ADAM9: variants seen among roughly 807,000 people sequenced by gnomAD.
The protein encoded by ADAM9 is ADAM metallopeptidase domain 9, also known as disintegrin and metalloproteinase domain-containing protein 9.
A neutral mutation model predicts 108.1 loss-of-function variants in ADAM9; 54 were observed. The observed-to-expected ratio is 0.50, with a 90% CI of 0.40 to 0.63. The LOEUF is 0.63. Among genes scored for constraint, ADAM9 ranks in the 20% least tolerant of loss-of-function variants. ADAM9 has a pLI of 0.00. For synonymous variants in ADAM9, 316 were observed against 336.0 expected (o/e 0.94, Z 0.65); for missense variants, 830 against 997.7 (o/e 0.83, Z 2.26).
chr8:39,058,092 ATTC>A lies in ADAM9; in HGVS notation c.1591+2329_1591+2331del, dbSNP rs1397320977. ...CAGAAAAGGAGGTAAAGTGATGTTTATTCTTCTTCTTGATATCCCATAACTTAA... is the reference window on the plus strand; with the variant it reads ...CAGAAAAGGAGGTAAAGTGATGTTTATTCTTCTTGATATCCCATAACTTAA... On this transcript the variant is annotated intron_variant, in intron 14 of 21. Transcript: ENST00000487273. 8.5e-5 allele frequency among the ~76,000 whole-genome samples: 13 copies of A among 152,310 alleles called. No individual in the cohort carries two copies. The East Asian group carries it at 2.3e-3, about 27-fold the overall frequency.
chr8:39,088,969 G>T (rs1839262107), intron 18 of ADAM9, among the ~76,000 whole-genome samples: 4 of 152,170 alleles, frequency 2.6e-5, no homozygotes. Flanking sequence ...AAAAAGTGAG[G>T]CCAGGCACGG....
At chr8:39,093,511 T>TAA (rs986429459) in intron 20 of ADAM9, among the ~76,000 whole-genome samples, 28 of 152,222 alleles carry the variant, frequency 1.8e-4, no homozygotes, top group Admixed American at 6.5e-5. Flanking sequence ...GTTTTCTATA[T>TAA]AAAAGACCAT....
At chr8:39,097,629 T>C (rs1220101646) in intron 20 of ADAM9, among the ~76,000 whole-genome samples, 9 of 152,150 alleles carry the variant, frequency 5.9e-5, no homozygotes. Context: ...TTAAGTCTTT[T>C]TTTTAAAAAA....
At position 39,009,755 on chromosome 8, in the gene ADAM9, G is replaced by A. The variant is rs139149985; in HGVS notation, c.195+1772G>A. On this transcript the variant is annotated intron_variant, in intron 2 of 21. Transcript: ENST00000487273. Reference sequence around the variant, plus strand: ...ATTCAACAGTGAATGTAATTAACTCGTTAAAAAGTATTTATTGAGTTACTA... The same window carrying A: ...ATTCAACAGTGAATGTAATTAACTCATTAAAAAGTATTTATTGAGTTACTA... Among the ~76,000 whole-genome samples the A allele has an allele frequency of 2.2e-3, 330 of 152,218 alleles. 2 individuals are homozygous for A. Among genetic ancestry groups the A allele is most frequent in the African/African-American group, 7.4e-3 (308 of 41,526 alleles).
At position 39,016,216 on chromosome 8, in the gene ADAM9, C is replaced by CT. The variant is rs557600780; in HGVS notation, c.410+31dup. ...TCAGGTAAGCAATTTCCTTTATCTT[C>CT]TTTTTTTTTGTTTCCCCTATGTCTT... is the stretch of plus-strand genomic sequence containing the variant. On this transcript the variant is annotated intron_variant, in intron 5 of 21. Coordinates refer to ENST00000487273, the MANE Select transcript of ADAM9 (RefSeq NM_003816.3). 1,352 of 1,577,932 alleles carry CT rather than the reference C, an allele frequency of 8.6e-4. 5 individuals carry two copies. Among genetic ancestry groups the CT allele is most frequent in the African/African-American group, 6.4e-3 (472 of 73,968 alleles).
At chr8:39,000,031 C>CTT (rs113167691) in intron 1 of ADAM9, among the ~76,000 whole-genome samples, 1 of 147,476 alleles carries the variant, frequency 6.8e-6, no homozygotes, top group African/African-American at 2.5e-5. Context: ...CCCTCACAGT[C>CTT]TTTTTTTTTT....
intron 11 of ADAM9, among the ~76,000 whole-genome samples, chr8:39,027,362 G>A (rs1836955555): frequency 6.6e-6 from 1 of 152,174 alleles, no homozygotes; most frequent in Admixed American, 6.5e-5. Context: ...ACAGAGAAGA[G>A]GAGAGAGAAT....
At chr8:39,046,065 T>C (rs746760162) in intron 12 of ADAM9, among the ~76,000 whole-genome samples, 6 of 152,120 alleles carry the variant, frequency 3.9e-5, no homozygotes, top group Non-Finnish European at 8.8e-5. Flanking sequence ...TTGGGTAATA[T>C]GGACAATTTA....
chr8:39,071,035 T>C (rs1185731049), intron 14 of ADAM9, among the ~76,000 whole-genome samples: 3 of 152,204 alleles, frequency 2.0e-5, no homozygotes, highest in South Asian at 2.1e-4. Flanking sequence ...TAATCTATTA[T>C]TTAATAGTGT....
chr8:39,071,468 T>A, intron 15 of ADAM9, 65 bp downstream of exon 15: 7 of 776,514 alleles, frequency 9.0e-6, no homozygotes, highest in Non-Finnish European at 1.3e-5. Context: ...CTAGTATCTT[T>A]TTTTTTTTTT....
At chr8:39,080,281 C>T (rs1382957517) in intron 16 of ADAM9, among the ~76,000 whole-genome samples, 2 of 152,092 alleles carry the variant, frequency 1.3e-5, no homozygotes, top group Non-Finnish European at 2.9e-5. Flanking sequence ...CTTCCAAACC[C>T]CCATGTCCCA....
rs568176855 is a variant in ADAM9 at position 39,090,082 on chromosome 8, T to G, written c.2104T>G (p.Phe702Val). The change falls in exon 19 of 22, where the codon TTC (phenylalanine) becomes GTC (valine). Residue 702 changes from phenylalanine to valine, a missense_variant. Phe to Val is a conservative substitution (Grantham distance 50). Around this residue, in one of 3 missense-constraint regions of ADAM9, gnomAD observed 238 missense variants for 235.7 expected, o/e 1.01. Coordinates refer to ENST00000487273, the MANE Select transcript of ADAM9 (RefSeq NM_003816.3). ...TGCATTGAGGGACGGACTTCTGGTC[T>G]TCTTCTTCCTAATTGTTCCCCTTAT... ...NTALRDGLLV[F>V]FFLIVPLIVC... 3.2e-5 allele frequency: 52 copies of G among 1,613,964 alleles called. No individual in the cohort carries two copies. The highest frequency in any genetic ancestry group is 1.7e-4 in the Middle Eastern group (1 of 6,056).
At chr8:39,048,695 T>C (rs1384484269) in intron 12 of ADAM9, among the ~76,000 whole-genome samples, 3 of 152,340 alleles carry the variant, frequency 2.0e-5, no homozygotes, top group Non-Finnish European at 4.4e-5. Flanking sequence ...TATTATTGTG[T>C]TGCTGTCTCT....
In ADAM9 at chr8:39,104,891, A is replaced by G. The variant is rs1335209102; in HGVS notation, c.*1191A>G. On this transcript the variant is annotated 3_prime_UTR_variant, in exon 22 of 22. Transcript: ENST00000487273. ...TCATAACCTTTCATAATAAAGTTTA[A>G]TAATAGGTTTATTAACTGAATTTCA... is the stretch of plus-strand genomic sequence containing the variant. 1 of 440,964 alleles carries G rather than the reference A, an allele frequency of 2.3e-6. No individual in the cohort carries two copies. Among genetic ancestry groups the G allele is most frequent in the Non-Finnish European group, 4.5e-6 (1 of 223,526 alleles). The allele number at this position is 440,964 out of a possible 1,614,324, so 27.3% of individuals were successfully genotyped here.
intron 11 of ADAM9, 146 bp downstream of exon 11, chr8:39,026,956 A>G: frequency 1.0e-6 from 1 of 1,003,434 alleles, no homozygotes; most frequent in Non-Finnish European, 1.4e-6. Context: ...ACCAATGAGA[A>G]GTCTTTTTTT....
At chr8:39,014,437 A>T (rs907680582) in intron 4 of ADAM9, 15 of 628,466 alleles carry the variant, frequency 2.4e-5, no homozygotes, top group African/African-American at 3.7e-5. Flanking sequence ...CACTCATTTG[A>T]TGTTATGTGT....
In ADAM9 at chr8:39,104,834, G is replaced by T; in HGVS notation, c.*1134G>T. ...ATTTTTACTATGGCAGATATGGTAT[G>T]GATCGTAAAATTTTAAGCACTAAAA... On this transcript the variant is annotated 3_prime_UTR_variant, in exon 22 of 22. Coordinates refer to ENST00000487273, the MANE Select transcript of ADAM9 (RefSeq NM_003816.3). 2.2e-6 allele frequency: 1 copy of T among 451,888 alleles called. No individual in the cohort carries two copies. The highest frequency in any genetic ancestry group is 4.4e-6 in the Non-Finnish European group (1 of 226,114). 28.0% of individuals were successfully genotyped at this position (451,888 alleles called of 1,614,324 possible). A position where few individuals can be genotyped will look rare whatever the true frequency, so the allele number is the denominator to read the frequency against.
intron 19 of ADAM9, 147 bp from the exon 20 acceptor site, chr8:39,091,112 C>T: frequency 1.4e-6 from 1 of 736,958 alleles, no homozygotes; most frequent in Non-Finnish European, 2.4e-6. Context: ...TGTTAAAATG[C>T]CCTAAAAATT....
chr8:39,048,259 T>G (rs1837839065), intron 12 of ADAM9, among the ~76,000 whole-genome samples: 1 of 152,170 alleles, frequency 6.6e-6, no homozygotes, highest in African/African-American at 2.4e-5. Context: ...ACATATTGTG[T>G]TTTTTGTTTG....
Sources: gnomAD v4.1 joint callset for allele counts (sites outside exome capture counted in the v4.1 genomes callset) on GRCh38, gnomAD v4.1.1 for gene constraint, gnomAD v4.1.1 regional missense constraint, MANE v1.5 for transcripts, NCBI Gene and HGNC (gene_info 2026-07-23, HGNC 2026-07-21) for gene names.